Variants in P2RY12 observed in about 807,000 individuals in gnomAD.
P2RY12 encodes the protein purinergic receptor P2Y12, also known as P2Y purinoceptor 12.
Under a neutral mutation model 4.5 loss-of-function variants are expected in P2RY12, and 3 were observed. The observed-to-expected ratio is 0.67, with a 90% CI of 0.31 to 1.74. The LOEUF (loss-of-function observed/expected upper bound fraction) is 1.74, where lower values mean the gene tolerates loss of function less well. Among genes scored for constraint, P2RY12 ranks in the 40% most tolerant of loss-of-function variants. The probability of loss-of-function intolerance (pLI) is 0.09; values close to 1 mark genes in which losing one functional copy is unlikely to be tolerated. For missense variants in P2RY12, 356 were observed against 407.8 expected, an observed-to-expected ratio of 0.87 and a Z score of 1.09; for synonymous variants, 148 against 154.1, an observed-to-expected ratio of 0.96 and a Z score of 0.29.
chr3:151,355,263 A>T (rs774768843), intron 1 of P2RY12: 13 of 1,515,790 alleles, frequency 8.6e-6, no homozygotes, highest in African/African-American at 2.8e-5. Context: ...GCTGTTTATT[A>T]TGCATTTGCA....
intron 1 of P2RY12, among the ~76,000 whole-genome samples, chr3:151,346,785 T>G (rs1399764719): frequency 6.6e-6 from 1 of 152,160 alleles, no homozygotes; most frequent in Non-Finnish European, 1.5e-5. Context: ...CATACTGCCC[T>G]TATTCCTGAG....
intron 1 of P2RY12, among the ~76,000 whole-genome samples, chr3:151,376,559 G>A (rs1435715028): frequency 6.6e-6 from 1 of 152,124 alleles, no homozygotes; most frequent in Non-Finnish European, 1.5e-5. Context: ...TGCTTATTTA[G>A]TTTCAGTGCA....
intron 1 of P2RY12, chr3:151,350,254 C>G (rs376122367): frequency 1.6e-5 from 26 of 1,586,922 alleles, no homozygotes; most frequent in Non-Finnish European, 2.2e-5. Context: ...CTTTTGCCTT[C>G]CCTCTGAGCA....
At chr3:151,373,552 A>G (rs1429801730) in intron 1 of P2RY12, among the ~76,000 whole-genome samples, 1 of 148,276 alleles carries the variant, frequency 6.7e-6, no homozygotes, top group African/African-American at 2.6e-5. Context: ...GATGGTTGCA[A>G]AATGGTGGTT....
intron 1 of P2RY12, among the ~76,000 whole-genome samples, chr3:151,360,143 G>A (rs1455978496): frequency 1.3e-5 from 2 of 152,218 alleles, no homozygotes; most frequent in South Asian, 2.1e-4. Context: ...CGGAGGCAGG[G>A]GCTCTCTACA....
intron 1 of P2RY12, chr3:151,369,666 T>G (rs1755939148): frequency 1.6e-6 from 1 of 625,638 alleles, no homozygotes; most frequent in Non-Finnish European, 2.6e-6. Flanking sequence ...TTTGATCGCT[T>G]ATTCTCCTGG....
At chr3:151,349,518 A>G (rs989120602) in intron 1 of P2RY12, among the ~76,000 whole-genome samples, 2 of 152,154 alleles carry the variant, frequency 1.3e-5, no homozygotes, top group Non-Finnish European at 2.9e-5. Context: ...TCCTGTCCTC[A>G]AGAGATCCTC....
At chr3:151,369,565 C>A in intron 1 of P2RY12, 2 of 1,506,620 alleles carry the variant, frequency 1.3e-6, no homozygotes, top group Non-Finnish European at 1.8e-6. Context: ...ATTATTCTGA[C>A]CCTAAGCTTC....
At chr3:151,376,928 C>T (rs925988197) in intron 1 of P2RY12, 2 of 1,609,878 alleles carry the variant, frequency 1.2e-6, no homozygotes, top group Non-Finnish European at 8.5e-7. Flanking sequence ...AAAGCAAAAA[C>T]ACGTTGATGT....
At chr3:151,341,160 T>C (rs974412089) in intron 1 of P2RY12, among the ~76,000 whole-genome samples, 1 of 152,182 alleles carries the variant, frequency 6.6e-6, no homozygotes, top group African/African-American at 2.4e-5. Context: ...CAAGTAATTA[T>C]GTTAACTCAA....
rs894354831 is a variant in P2RY12, at chr3:151,354,004, A to G, written c.-179-13244T>C. 7.2e-5 allele frequency among the ~76,000 whole-genome samples: 8 copies of G among 110,766 alleles called. No individual in the cohort carries two copies. In the South Asian group the frequency reaches 2.2e-3, roughly 30 times the overall value. 72.7% of individuals were successfully genotyped at this position (110,766 alleles called of 152,430 possible). A position where few individuals can be genotyped will look rare whatever the true frequency, so the allele number is the denominator to read the frequency against. On this transcript the variant is annotated intron_variant, in intron 1 of 2. Transcript: ENST00000302632. ...AAAATACAAAAAATTAGCCGGGCGT[A>G]GTGGCGGGCGCCTGTAGTCCCAGCT...
chr3:151,347,256 C>T (rs1752655804), intron 1 of P2RY12, among the ~76,000 whole-genome samples: 1 of 152,174 alleles, frequency 6.6e-6, no homozygotes, highest in African/African-American at 2.4e-5. Context: ...TTATCTTCAC[C>T]TCTGCCCTAT....
intron 1 of P2RY12, chr3:151,360,470 T>G: frequency 1.2e-6 from 2 of 1,610,884 alleles, no homozygotes; most frequent in Non-Finnish European, 8.5e-7. Context: ...ATTTTTCTCC[T>G]CAGGTTGTGT....
rs189300902 is a variant in P2RY12, at chr3:151,380,426, G to A, written c.-180+4266C>T. ...AGCCTGGCCAACATGGTGAAACCCC[G>A]TCTGTACTAAAAATACAAAAATTAG... On this transcript the variant is annotated intron_variant, in intron 1 of 2. Coordinates refer to ENST00000302632, the MANE Select transcript of P2RY12 (RefSeq NM_022788.5). Among the ~76,000 whole-genome samples, 202 of 152,034 alleles carry A rather than the reference G, an allele frequency of 1.3e-3. 1 individual carries two copies. The highest frequency in any genetic ancestry group is 2.1e-3 in the Non-Finnish European group (145 of 67,976).
chr3:151,384,089 A>G (rs1712891629), intron 1 of P2RY12: 1 of 1,612,558 alleles, frequency 6.2e-7, no homozygotes, highest in South Asian at 1.1e-5. Context: ...TTAGTGAATT[A>G]TTCACAACAG....
rs536304393 is a variant in P2RY12 at position 151,339,639 on chromosome 3, C to T, written c.-14-780G>A. ...ATATCATTCAGTATAAATTTTAAAACAGTAAAAAAAAAAATAAGAGTCAGA... is the reference window on the plus strand; with the variant it reads ...ATATCATTCAGTATAAATTTTAAAATAGTAAAAAAAAAAATAAGAGTCAGA... On this transcript the variant is annotated intron_variant, in intron 2 of 2. Transcript: ENST00000302632. 5.3e-5 allele frequency among the ~76,000 whole-genome samples: 8 copies of T among 150,140 alleles called. No individual in the cohort carries two copies. The South Asian group carries it at 1.5e-3, about 28-fold the overall frequency.
intron 1 of P2RY12, chr3:151,357,386 T>C: frequency 6.4e-7 from 1 of 1,560,488 alleles, no homozygotes. Context: ...GGTTGGTATA[T>C]AGCATGTCAT....
intron 1 of P2RY12, chr3:151,360,404 TAA>T (rs1754468456): frequency 1.4e-6 from 2 of 1,429,998 alleles, no homozygotes; most frequent in South Asian, 1.3e-5. Flanking sequence ...ATTTTCATTC[TAA>T]AAGAGTCAAA....
intron 1 of P2RY12, among the ~76,000 whole-genome samples, chr3:151,363,157 T>C (rs1010634892): frequency 1.3e-5 from 2 of 152,020 alleles, no homozygotes; most frequent in African/African-American, 4.8e-5. Context: ...TACTCAGGGG[T>C]CAGCAGAGTG....
Sources: allele counts gnomAD v4.1 joint callset (sites outside exome capture counted in the v4.1 genomes callset), GRCh38; gene constraint gnomAD v4.1.1; transcripts MANE v1.5; gene names NCBI Gene and HGNC (gene_info 2026-07-23, HGNC 2026-07-21).